Variants in RGPD5 observed in about 807,000 individuals in gnomAD.
RGPD5 encodes RANBP2-like and GRIP domain-containing protein 5/6.
At chr2:109,769,483 GT>G in the RGPD5 span, among the ~76,000 whole-genome samples, 1 of 54,762 alleles carries the variant, frequency 1.8e-5, no homozygotes. Context: ...TCTAAGGAGG[GT>G]GTGTGCGTGC....
At chr2:109,764,175 G>A in the RGPD5 span, among the ~76,000 whole-genome samples, 4 of 150,414 alleles carry the variant, frequency 2.7e-5, 2 homozygotes, top group East Asian at 8.2e-4. Flanking sequence ...CTGGTTTGAA[G>A]CAAGACTGGA....
At chr2:109,761,863 A>G in the RGPD5 span, among the ~76,000 whole-genome samples, 1 of 151,262 alleles carries the variant, frequency 6.6e-6, no homozygotes, top group African/African-American at 2.4e-5. Context: ...GCTTTAATTC[A>G]GTAAAGAGTT....
At chr2:109,778,702 C>CT in the RGPD5 span, among the ~76,000 whole-genome samples, 1 of 139,316 alleles carries the variant, frequency 7.2e-6, no homozygotes, top group Non-Finnish European at 1.6e-5. Flanking sequence ...CTCTCTCTCT[C>CT]TTTTTTGAGA....
the RGPD5 span, among the ~76,000 whole-genome samples, chr2:109,764,550 T>C: frequency 6.7e-6 from 1 of 149,954 alleles, no homozygotes; most frequent in East Asian, 2.0e-4. Context: ...ATTAGTGTTA[T>C]TGTCAAATGA....
At chr2:109,765,772 C>T in the RGPD5 span, among the ~76,000 whole-genome samples, 1 of 151,134 alleles carries the variant, frequency 6.6e-6, no homozygotes, top group Non-Finnish European at 1.5e-5. Flanking sequence ...CCTAAGGATG[C>T]TGCCCAGTAG....
At chr2:109,763,269 A>G in the RGPD5 span, among the ~76,000 whole-genome samples, 2 of 150,456 alleles carry the variant, frequency 1.3e-5, no homozygotes, top group African/African-American at 2.4e-5. Context: ...TTCTGAGTAC[A>G]TTACATGTTT....
chr2:109,764,538 A>G, the RGPD5 span, among the ~76,000 whole-genome samples: 1 of 150,150 alleles, frequency 6.7e-6, no homozygotes, highest in African/African-American at 2.4e-5. Flanking sequence ...TAGGTTGTAC[A>G]TATTAGTGTT....
At chr2:109,774,523 T>TATATATATTATATATAAAATATATATA in the RGPD5 span, among the ~76,000 whole-genome samples, 10 of 80,588 alleles carry the variant, frequency 1.2e-4, no homozygotes, top group Non-Finnish European at 1.9e-4. Flanking sequence ...TAATATATAT[T>TATATATATTATATATAAAATATATATA]ATATATATTA....
At position 109,794,707 on chromosome 2, in the gene RGPD5, G is replaced by A. The variant is rs1160367067; in HGVS notation, c.72+170G>A. On this transcript the variant is annotated intron_variant, in intron 1 of 22. Transcript: ENST00000016946. The stretch of plus-strand genomic sequence containing the variant: ...GCTCTGTTGAGGCGCCGGCCGGCTG[G>A]CGCAGTCCTGTGGGCGGCGTGGCGC... 12 of 705,046 alleles carry A rather than the reference G, an allele frequency of 1.7e-5. No individual in the cohort carries two copies. The African/African-American group carries it at 3.2e-4, about 19-fold the overall frequency. 43.7% of individuals were successfully genotyped at this position (705,046 alleles called of 1,614,324 possible).
intron 1 of RGPD5, 65 bp downstream of exon 1, chr2:109,794,602 C>G (rs1676861139): frequency 1.2e-6 from 1 of 852,466 alleles, no homozygotes; most frequent in Non-Finnish European, 1.3e-6. Flanking sequence ...GCGGCGGCGG[C>G]GGCGGCGGGG....
the RGPD5 span, among the ~76,000 whole-genome samples, chr2:109,763,661 T>C: frequency 6.6e-6 from 1 of 150,384 alleles, no homozygotes; most frequent in Non-Finnish European, 1.5e-5. Context: ...TGAATTATTG[T>C]ATTAGAGCAA....
At chr2:109,777,254 G>A in the RGPD5 span, among the ~76,000 whole-genome samples, 1 of 148,114 alleles carries the variant, frequency 6.8e-6, no homozygotes, top group Admixed American at 6.9e-5. Context: ...AAGCACAAAA[G>A]GATGTGTGAT....
chr2:109,767,329 C>T, the RGPD5 span, among the ~76,000 whole-genome samples: 51 of 149,600 alleles, frequency 3.4e-4, 1 homozygote, highest in African/African-American at 1.1e-3. Flanking sequence ...TTTTCTTAGT[C>T]GTGCATCATA....
chr2:109,761,602 A>T, the RGPD5 span, among the ~76,000 whole-genome samples: 1 of 145,122 alleles, frequency 6.9e-6, no homozygotes, highest in South Asian at 2.4e-4. Context: ...TAAAAATCCC[A>T]TTGGCTGCTT....
the RGPD5 span, among the ~76,000 whole-genome samples, chr2:109,766,410 C>G: frequency 6.6e-6 from 1 of 150,540 alleles, no homozygotes. Context: ...AACTTGGGGA[C>G]TCCAGCTGGG....
the RGPD5 span, among the ~76,000 whole-genome samples, chr2:109,773,459 AGGG>A: frequency 2.4e-5 from 2 of 84,800 alleles, no homozygotes; most frequent in Admixed American, 1.4e-4. Context: ...GAAGAACGCG[AGGG>A]TGGAATCTGT....
At chr2:109,760,989 G>T in the RGPD5 span, among the ~76,000 whole-genome samples, 1 of 133,970 alleles carries the variant, frequency 7.5e-6, no homozygotes, top group South Asian at 2.5e-4. Context: ...CGCCTCCCTC[G>T]CGGCGGCCCG....
At chr2:109,764,144 C>T in the RGPD5 span, among the ~76,000 whole-genome samples, 4 of 149,960 alleles carry the variant, frequency 2.7e-5, no homozygotes. Context: ...TAATTTCCAC[C>T]TCTAATTCCA....
At chr2:109,763,705 TTTGA>T in the RGPD5 span, among the ~76,000 whole-genome samples, 10 of 150,546 alleles carry the variant, frequency 6.6e-5, no homozygotes, top group African/African-American at 2.2e-4. Context: ...AGCTTCTTCC[TTTGA>T]TTGATCATAG....
Sources: allele counts gnomAD v4.1 joint callset (sites outside exome capture counted in the v4.1 genomes callset), GRCh38; gene constraint gnomAD v4.1.1; transcripts MANE v1.5; gene names NCBI Gene and HGNC (gene_info 2026-07-23, HGNC 2026-07-21).